Variants in NPAS3 observed in about 807,000 individuals in gnomAD.
The protein encoded by NPAS3 is neuronal PAS domain protein 3, also known as neuronal PAS domain-containing protein 3.
A neutral mutation model predicts 73.1 loss-of-function variants in NPAS3; 14 were observed. That is an observed-to-expected ratio of 0.19 (90% CI 0.13 to 0.30). NPAS3 has a LOEUF of 0.30. Among genes scored for constraint, NPAS3 ranks in the 10% least tolerant of loss-of-function variants. The pLI is 1.00. For synonymous variants in NPAS3, 620 were observed against 541.5 expected, an observed-to-expected ratio of 1.14 and a Z score of -2.01; for missense variants, 1,096 against 1,250.0, an observed-to-expected ratio of 0.88 and a Z score of 1.86.
intron 7 of NPAS3, among the ~76,000 whole-genome samples, chr14:33,760,793 A>G (rs748447858): frequency 3.3e-5 from 5 of 152,194 alleles, no homozygotes; most frequent in South Asian, 2.1e-4. Flanking sequence ...AGTCTCTCCA[A>G]TAATCAAAAG....
chr14:33,788,023 C>T (rs1396501447), intron 9 of NPAS3, among the ~76,000 whole-genome samples: 1 of 152,180 alleles, frequency 6.6e-6, no homozygotes, highest in Non-Finnish European at 1.5e-5. Flanking sequence ...TGTCAGCCTG[C>T]CTTGGGCCTT....
At chr14:33,413,155 T>C (rs2048001558) in intron 4 of NPAS3, among the ~76,000 whole-genome samples, 1 of 152,172 alleles carries the variant, frequency 6.6e-6, no homozygotes, top group South Asian at 2.1e-4. Flanking sequence ...CAACAATTCC[T>C]TGCTGGAGTA....
At chr14:33,178,955 C>G (rs889852885) in intron 2 of NPAS3, among the ~76,000 whole-genome samples, 4 of 152,082 alleles carry the variant, frequency 2.6e-5, no homozygotes, top group African/African-American at 9.7e-5. Flanking sequence ...ACATTTTTTG[C>G]AAATGTCTTT....
At chr14:33,407,943 T>C (rs1183670037) in intron 4 of NPAS3, among the ~76,000 whole-genome samples, 1 of 152,030 alleles carries the variant, frequency 6.6e-6, no homozygotes, top group Non-Finnish European at 1.5e-5. Flanking sequence ...CTAAAATGAA[T>C]AGAAAAAGAA....
chr14:33,738,888 TG>T (rs2061590412), intron 7 of NPAS3, among the ~76,000 whole-genome samples: 1 of 152,152 alleles, frequency 6.6e-6, no homozygotes, highest in South Asian at 2.1e-4. Flanking sequence ...GTATAGCGCA[TG>T]GGGTAAAAGA....
At chr14:33,201,105 TA>T (rs2046596262) in intron 2 of NPAS3, among the ~76,000 whole-genome samples, 1 of 152,128 alleles carries the variant, frequency 6.6e-6, no homozygotes, top group Non-Finnish European at 1.5e-5. Flanking sequence ...AGAAATCAAA[TA>T]GAAGAAAATG....
chr14:33,280,483 T>A (rs2041552739), intron 3 of NPAS3, among the ~76,000 whole-genome samples: 1 of 152,130 alleles, frequency 6.6e-6, no homozygotes, highest in African/African-American at 2.4e-5. Flanking sequence ...TGACCGTGGT[T>A]TTGCCACTAG....
At chr14:33,246,555 AAAG>A (rs1555362061) in intron 3 of NPAS3, among the ~76,000 whole-genome samples, 5 of 146,244 alleles carry the variant, frequency 3.4e-5, no homozygotes, top group East Asian at 2.1e-4. Context: ...AAAAAAAAAA[AAAG>A]AAGAACTAAG....
At chr14:33,647,836 A>G (rs2058877636) in intron 5 of NPAS3, among the ~76,000 whole-genome samples, 1 of 152,160 alleles carries the variant, frequency 6.6e-6, no homozygotes, top group East Asian at 1.9e-4. Context: ...TTTTAATTCT[A>G]GAGCTCATAT....
intron 1 of NPAS3, among the ~76,000 whole-genome samples, chr14:32,999,827 TA>T (rs2038739139): frequency 2.0e-5 from 3 of 152,016 alleles, no homozygotes; most frequent in African/African-American, 4.8e-5. Context: ...TTGCTTGTAA[TA>T]AAAAATATCC....
intron 6 of NPAS3, among the ~76,000 whole-genome samples, chr14:33,733,409 T>C (rs919948131): frequency 1.3e-5 from 2 of 152,118 alleles, no homozygotes; most frequent in Non-Finnish European, 2.9e-5. Flanking sequence ...TTTAGTAAAA[T>C]AGAACTGCAC....
chr14:33,536,917 C>A (rs537448124), intron 4 of NPAS3, among the ~76,000 whole-genome samples: 2 of 152,164 alleles, frequency 1.3e-5, no homozygotes, highest in African/African-American at 4.8e-5. Context: ...ACATTTCACA[C>A]AATGTCTAGA....
chr14:33,659,463 A>G (rs2059244102), intron 5 of NPAS3, among the ~76,000 whole-genome samples: 1 of 152,230 alleles, frequency 6.6e-6, no homozygotes. Context: ...TGACTGTCCC[A>G]GAACCCAACC....
At position 33,774,660 on chromosome 14, in the gene NPAS3, A is replaced by G. The variant is rs2062757096; in HGVS notation, c.1046+130A>G. On this transcript the variant is annotated intron_variant, in intron 8 of 11. Coordinates refer to ENST00000356141, the Ensembl canonical transcript of NPAS3. ...AATCCTGATCTTGTTTTTAATGGCC[A>G]CTTGGACTGACACCAAACATGCTTT... 3 of 673,686 alleles carry G rather than the reference A, an allele frequency of 4.5e-6. No homozygotes were observed. In the East Asian group the frequency reaches 8.0e-5, roughly 18 times the overall value. 41.7% of individuals were successfully genotyped at this position (673,686 alleles called of 1,614,324 possible).
intron 7 of NPAS3, among the ~76,000 whole-genome samples, chr14:33,767,498 C>A (rs1325744228): frequency 6.6e-6 from 1 of 151,780 alleles, no homozygotes; most frequent in Non-Finnish European, 1.5e-5. Flanking sequence ...AGAAAAGGGA[C>A]CAGAGTGCCA....
intron 2 of NPAS3, among the ~76,000 whole-genome samples, chr14:33,075,649 T>A (rs1233869331): frequency 6.6e-6 from 1 of 152,222 alleles, no homozygotes; most frequent in African/African-American, 2.4e-5. Context: ...CTGCCTCCTG[T>A]ATGCTTCGTA....
chr14:33,685,041 A>T (rs994499003), intron 6 of NPAS3, among the ~76,000 whole-genome samples: 1 of 152,210 alleles, frequency 6.6e-6, no homozygotes, highest in Admixed American at 6.5e-5. Flanking sequence ...TATTAACTAG[A>T]ATGAATTTTC....
intron 3 of NPAS3, among the ~76,000 whole-genome samples, chr14:33,308,525 T>TACACACACACAC (rs1280716729): frequency 0.052 from 4,256 of 82,336 alleles, 196 homozygotes; most frequent in African/African-American, 0.1. Flanking sequence ...TATATATATA[T>TACACACACACAC]ATACATACAC....
chr14:33,457,205 G>A (rs1241272622), intron 4 of NPAS3, among the ~76,000 whole-genome samples: 1 of 152,180 alleles, frequency 6.6e-6, no homozygotes, highest in Non-Finnish European at 1.5e-5. Context: ...TCTGTATCCT[G>A]GATACAAGTT....
Sources: allele counts gnomAD v4.1 joint callset (sites outside exome capture counted in the v4.1 genomes callset), GRCh38; gene constraint gnomAD v4.1.1; transcripts MANE v1.5; gene names NCBI Gene and HGNC (gene_info 2026-07-23, HGNC 2026-07-21).